The following CASK variants were observed in gnomAD, a reference collection of about 807,000 sequenced individuals.
The protein encoded by CASK is peripheral plasma membrane protein CASK.
Under a neutral mutation model 82.9 loss-of-function variants are expected in CASK, and 4 were observed. The observed-to-expected ratio is 0.05, with a 90% CI of 0.02 to 0.11. CASK has a LOEUF of 0.11. Among genes scored for constraint, CASK ranks in the 10% least tolerant of loss-of-function variants. The pLI, the probability that CASK is intolerant of heterozygous loss-of-function variation, is 1.00. For missense variants in CASK, 358 were observed against 720.9 expected (o/e 0.50, Z 5.76); for synonymous variants, 259 against 253.5 (o/e 1.02, Z -0.20).
chrX:41,767,349 A>G (rs2069137271), intron 3 of CASK, among the ~76,000 whole-genome samples: 1 of 111,867 alleles, frequency 8.9e-6, no homozygotes, highest in South Asian at 3.7e-4. Context: ...AGTACACGTG[A>G]GGTTCCAGGA....
chrX:41,696,951 T>C (rs1386234575), intron 5 of CASK: 4 of 343,327 alleles, frequency 1.2e-5, no homozygotes, highest in African/African-American at 2.6e-5. Context: ...AACTTTTAAA[T>C]CTGTATGTAA....
chrX:41,582,601 C>T (rs921638529), intron 14 of CASK, among the ~76,000 whole-genome samples: 2 of 111,993 alleles, frequency 1.8e-5, no homozygotes, highest in Non-Finnish European at 3.8e-5. Context: ...GCGTGAGCCA[C>T]CATGCCTGGC....
At position 41,701,674 on chromosome X, in the gene CASK, G is replaced by A. The variant is rs1383608255; in HGVS notation, c.430-30144C>T. 2.7e-5 allele frequency among the ~76,000 whole-genome samples: 3 copies of A among 112,032 alleles called. No homozygotes were observed. The Admixed American group carries it at 2.8e-4, about 11-fold the overall frequency. ...ATGAAGACTTGGAGAGCTGGTTGGG[G>A]ATGGTAACAGTGAGCACAGAACTGG... On this transcript the variant is annotated intron_variant, in intron 5 of 26. Coordinates refer to ENST00000378163, the MANE Select transcript of CASK (RefSeq NM_001367721.1).
chrX:41,625,629 T>C (rs1279171624), intron 10 of CASK, among the ~76,000 whole-genome samples: 1 of 111,252 alleles, frequency 9.0e-6, no homozygotes, highest in Non-Finnish European at 1.9e-5. Context: ...CCTGAGTAGC[T>C]ATGACTACAC....
chrX:41,579,283 G>A (rs922330969), intron 14 of CASK, among the ~76,000 whole-genome samples: 1 of 111,794 alleles, frequency 8.9e-6, no homozygotes. Context: ...AAAATATCAC[G>A]TATGATATGG....
rs141946717 is a variant in CASK, at chrX:41,593,330, G to A, written c.1156-3738C>T. Among the ~76,000 whole-genome samples the A allele has an allele frequency of 8.1e-3, 904 of 111,427 alleles. 7 individuals carry two copies. Among genetic ancestry groups the A allele is most frequent in the African/African-American group, 0.028 (864 of 30,659 alleles). ...CAAGTAAGAACTGAAGCAGGAGGGA[G>A]TGAGGAATGGGCTCATTTTGTCACT... On this transcript the variant is annotated intron_variant, in intron 12 of 26. Transcript: ENST00000378163.
At chrX:41,546,205 C>A (rs1259778515) in intron 21 of CASK, among the ~76,000 whole-genome samples, 1 of 110,903 alleles carries the variant, frequency 9.0e-6, no homozygotes, top group Non-Finnish European at 1.9e-5. Flanking sequence ...AAACTCCTGA[C>A]CTCAGGTGAT....
chrX:41,840,028 C>T (rs1250103545), intron 2 of CASK, among the ~76,000 whole-genome samples: 5 of 111,953 alleles, frequency 4.5e-5, no homozygotes, highest in Non-Finnish European at 9.4e-5. Context: ...AGTTCTCCAA[C>T]TTTATTCTTA....
chrX:41,707,979 G>C (rs374424893), intron 5 of CASK, among the ~76,000 whole-genome samples: 1 of 110,780 alleles, frequency 9.0e-6, no homozygotes, highest in Non-Finnish European at 1.9e-5. Flanking sequence ...TTAGCTGGGC[G>C]TGGTGGCGCG....
intron 12 of CASK, among the ~76,000 whole-genome samples, chrX:41,596,214 A>G (rs770161830): frequency 9.1e-6 from 1 of 109,863 alleles, no homozygotes; most frequent in African/African-American, 3.3e-5. Context: ...AAAAAAAAGA[A>G]TATCAGGATC....
At chrX:41,774,033 T>C (rs1236940401) in intron 3 of CASK, among the ~76,000 whole-genome samples, 1 of 112,009 alleles carries the variant, frequency 8.9e-6, no homozygotes, top group Non-Finnish European at 1.9e-5. Flanking sequence ...ACTTAAAAAA[T>C]TTTAAAACCT....
At chrX:41,745,679 CTAAGT>C in intron 3 of CASK, 78 bp from the exon 4 acceptor site, 1 of 666,889 alleles carries the variant, frequency 1.5e-6, no homozygotes, top group Non-Finnish European at 2.4e-6. Context: ...TACATTGTAA[CTAAGT>C]TATTAGTTGA....
intron 5 of CASK, among the ~76,000 whole-genome samples, chrX:41,737,277 G>A (rs1177717484): frequency 2.7e-5 from 3 of 111,950 alleles, no homozygotes; most frequent in African/African-American, 9.7e-5. Flanking sequence ...AATGAGTGAA[G>A]CCTATGTGGA....
At chrX:41,737,144 T>C (rs774356051) in intron 5 of CASK, among the ~76,000 whole-genome samples, 1 of 112,046 alleles carries the variant, frequency 8.9e-6, no homozygotes, top group African/African-American at 3.2e-5. Flanking sequence ...TTTGGAGCCC[T>C]AAGACACTGT....
chrX:41,763,106 A>G (rs1412472572), intron 3 of CASK, among the ~76,000 whole-genome samples: 1 of 111,386 alleles, frequency 9.0e-6, no homozygotes, highest in East Asian at 2.8e-4. Context: ...TCACTCATTC[A>G]TGTTTATTTT....
At chrX:41,753,097 T>C (rs1333537733) in intron 3 of CASK, among the ~76,000 whole-genome samples, 1 of 112,160 alleles carries the variant, frequency 8.9e-6, no homozygotes, top group Non-Finnish European at 1.9e-5. Context: ...CATATATTTA[T>C]TGACATAGAT....
At chrX:41,918,196 C>A (rs1367256226) in intron 1 of CASK, among the ~76,000 whole-genome samples, 11 of 112,274 alleles carry the variant, frequency 9.8e-5, no homozygotes, top group Admixed American at 2.8e-4. Context: ...GAAATTCTCC[C>A]TATGGTACTA....
At chrX:41,723,384 C>T (rs958657839) in intron 5 of CASK, among the ~76,000 whole-genome samples, 2 of 111,806 alleles carry the variant, frequency 1.8e-5, no homozygotes, top group Non-Finnish European at 1.9e-5. Context: ...CAGACTGATT[C>T]GACAATCCTG....
intron 3 of CASK, among the ~76,000 whole-genome samples, chrX:41,768,048 T>C (rs1394953863): frequency 8.9e-6 from 1 of 111,833 alleles, no homozygotes; most frequent in Non-Finnish European, 1.9e-5. Context: ...TATATCACTA[T>C]GCACTCATAA....
Sources: gnomAD v4.1 joint callset for allele counts (sites outside exome capture counted in the v4.1 genomes callset) on GRCh38, gnomAD v4.1.1 for gene constraint, MANE v1.5 for transcripts, NCBI Gene and HGNC (gene_info 2026-07-23, HGNC 2026-07-21) for gene names.